Variants in GOT1L1 observed in about 807,000 individuals in gnomAD.
GOT1L1 encodes aspartate aminotransferase, cytoplasmic 2.
GOT1L1 carries 38 observed loss-of-function variants against 43.6 expected under a neutral mutation model. The ratio of observed to expected loss-of-function variants is 0.87; its 90% CI spans 0.67 to 1.14. The LOEUF (loss-of-function observed/expected upper bound fraction) is 1.14. GOT1L1 is among the 50% of genes most tolerant of loss of function. GOT1L1 has a pLI of 0.00. For missense variants in GOT1L1, 482 were observed against 504.0 expected, an observed-to-expected ratio of 0.96 and a Z score of 0.42; for synonymous variants, 183 against 187.2, an observed-to-expected ratio of 0.98 and a Z score of 0.18.
chr8:37,937,988 C>T (rs957086836), intron 2 of GOT1L1, among the ~76,000 whole-genome samples: 12 of 152,264 alleles, frequency 7.9e-5, no homozygotes, highest in African/African-American at 2.2e-4. Context: ...TTGCAGTGAG[C>T]GGAGATCAGG....
chr8:37,937,077 C>T lies in GOT1L1; in HGVS notation c.520-20G>A. 3 of 1,608,938 alleles carry T rather than the reference C, an allele frequency of 1.9e-6. No individual in the cohort carries two copies. Among genetic ancestry groups the T allele is most frequent in the Non-Finnish European group, 2.6e-6 (3 of 1,176,114 alleles). ...GATCTGCTGCAGGTACAGACGGTCT[C>T]ATCAGGCTTCACCCCCACCCAGGAG... On this transcript the variant is annotated intron_variant, in intron 4 of 8. Coordinates refer to ENST00000307599, the MANE Select transcript of GOT1L1 (RefSeq NM_152413.3).
In GOT1L1 at chr8:37,935,629, G is replaced by A. The variant is rs529019849; in HGVS notation, c.929+75C>T. The A allele has an allele frequency of 1.0e-4, 141 of 1,357,660 alleles. No individual in the cohort carries two copies. In the Middle Eastern group the frequency reaches 4.9e-3, roughly 47 times the overall value. The allele number at this position is 1,357,660 out of a possible 1,614,324, so 84.1% of individuals were successfully genotyped here. A position where few individuals can be genotyped will look rare whatever the true frequency, so the allele number is the denominator to read the frequency against. On this transcript the variant is annotated intron_variant, in intron 7 of 8. Transcript: ENST00000307599. The stretch of plus-strand genomic sequence containing the variant: ...ATGGGCAGGAGAGAAGCACCCTGCC[G>A]AATCCTGCAGATCAGCAGGTCTGCA...
At chr8:37,935,534 A>C (rs1000745021) in intron 7 of GOT1L1, among the ~76,000 whole-genome samples, 170 bp downstream of exon 7, 14 of 152,210 alleles carry the variant, frequency 9.2e-5, no homozygotes, top group Admixed American at 1.3e-4. Context: ...AACCCTTGGC[A>C]TAGCCACCGC....
Position 37,935,134 on chromosome 8 carries a change from G to A in GOT1L1, c.1011C>T (p.Thr337=). The change falls in exon 8 of 9, where the codon ACC becomes ACT. Residue 337 remains threonine (T), a synonymous_variant. Transcript: ENST00000307599. ...CGGTGATGTGACCCCAGGACCCAGG[G>A]GTTCCCAGGAGCTGGAGTTTCTCCT... ...KVKEKLQLLG[T]PGSWGHITEQ... 6.2e-7 allele frequency: 1 copy of A among 1,613,560 alleles called. No homozygotes were observed. Among genetic ancestry groups the A allele is most frequent in the Non-Finnish European group, 8.5e-7 (1 of 1,179,740 alleles).
At chr8:37,938,658 T>G (rs1385889800) in intron 2 of GOT1L1, 42 bp downstream of exon 2, 1 of 1,513,502 alleles carries the variant, frequency 6.6e-7, no homozygotes, top group East Asian at 2.4e-5. Flanking sequence ...AGATCGCCAC[T>G]CTCTGTGTCT....
Position 37,938,792 on chromosome 8 carries a change from C to T in GOT1L1, c.205G>A (p.Glu69Lys). 6.2e-7 allele frequency: 1 copy of T among 1,613,500 alleles called. No individual in the cohort carries two copies. The highest frequency in any genetic ancestry group is 8.5e-7 in the Non-Finnish European group (1 of 1,179,688). Reference protein sequence around the residue: ...QISQDPSLNYEYLPTMGLKSF... With the variant: ...QISQDPSLNYKYLPTMGLKSF... ...TTCAGGCCCATGGTGGGCAAGTACT[C>T]ATAATTCAGGGAGGGATCCTGTGAA... Residue 69 changes from glutamate (E) to lysine (K), a missense_variant, in exon 2 of 9, where the codon GAG becomes AAG. Physicochemically the swap from Glu to Lys is moderately conservative, Grantham distance 56. Transcript: ENST00000307599.
rs144803768 is a variant in GOT1L1 at position 37,934,596 on chromosome 8, G to T, written c.1073-110C>A. 3.5e-6 allele frequency: 3 copies of T among 849,848 alleles called. No individual in the cohort carries two copies. The East Asian group carries it at 7.4e-5, about 21-fold the overall frequency. 52.6% of individuals were successfully genotyped at this position (849,848 alleles called of 1,614,324 possible). A position where few individuals can be genotyped will look rare whatever the true frequency, so the allele number is the denominator to read the frequency against. ...TTATTGATTGATTGATTGAGATGGA[G>T]TTTTGCTCTTGTTGCCCAGGCTGGA... On this transcript the variant is annotated intron_variant, in intron 8 of 8. Transcript: ENST00000307599.
intron 1 of GOT1L1, among the ~76,000 whole-genome samples, chr8:37,939,416 G>GAAAAAAAAA (rs4058283): frequency 1.4e-4 from 3 of 21,414 alleles, no homozygotes; most frequent in African/African-American, 4.0e-4. Flanking sequence ...CCTGTCTCAA[G>GAAAAAAAAA]AAAAAAAAAA....
chr8:37,938,753 C>T lies in GOT1L1; in HGVS notation c.244G>A (p.Ala82Thr), dbSNP rs1033697539. ...PTMGLKSFIQ[A>T]SLALLFGKHS... is the part of the protein sequence containing the mutation. ...TTTCCAAAGAGGAGTGCTAGAGAGG[C>T]CTGGATGAATGATTTCAGGCCCATG... The change falls in exon 2 of 9, where the codon GCC becomes ACC. Residue 82 changes from alanine (A) to threonine (T), a missense_variant. Physicochemically the swap from Ala to Thr is moderately conservative, Grantham distance 58. Transcript: ENST00000307599. The T allele has an allele frequency of 5.6e-6, 9 of 1,607,388 alleles. No individual in the cohort carries two copies. In the African/African-American group the frequency reaches 6.7e-5, roughly 12 times the overall value.
chr8:37,935,939 A>G, intron 6 of GOT1L1, 70 bp from the exon 7 acceptor site: 2 of 1,493,562 alleles, frequency 1.3e-6, no homozygotes, highest in Non-Finnish European at 1.8e-6. Context: ...CCTAGATCTC[A>G]ACCCCCAACC....
chr8:37,937,835 A>T, intron 2 of GOT1L1, 86 bp from the exon 3 acceptor site: 1 of 855,704 alleles, frequency 1.2e-6, no homozygotes. Flanking sequence ...GGGTGGGTGG[A>T]TCACTCGAGG....
chr8:37,934,843 T>G, intron 8 of GOT1L1: 1 of 587,646 alleles, frequency 1.7e-6, no homozygotes, highest in Non-Finnish European at 3.0e-6. Flanking sequence ...CTCAAAGTGT[T>G]GGGATTACAG....
At chr8:37,934,522 G>C (rs754918327) in intron 8 of GOT1L1, 36 bp from the exon 9 acceptor site, 17 of 1,467,328 alleles carry the variant, frequency 1.2e-5, no homozygotes, top group African/African-American at 2.8e-5. Context: ...CTCGAGACTG[G>C]CCATCTCGAA....
Position 37,938,855 on chromosome 8 carries a change from A to T in GOT1L1, c.142T>A (p.Trp48Arg). 1 of 1,613,814 alleles carries T rather than the reference A, an allele frequency of 6.2e-7. No individual in the cohort carries two copies. Among genetic ancestry groups the T allele is most frequent in the Non-Finnish European group, 8.5e-7 (1 of 1,179,740 alleles). ...RVCMTNEGHPWVSLVVQKTRL... is the reference protein window; with the variant it reads ...RVCMTNEGHPRVSLVVQKTRL... ...GTCTTCTGCACCACGAGAGAAACCC[A>T]GGGATGGCCTTCATTTGTCATGCAG... Residue 48 changes from tryptophan (W) to arginine (R), a missense_variant, in exon 2 of 9, where the codon TGG becomes AGG. Transcript: ENST00000307599.
chr8:37,936,187 C>T (rs1208821493), intron 6 of GOT1L1, among the ~76,000 whole-genome samples: 1 of 151,988 alleles, frequency 6.6e-6, no homozygotes. Flanking sequence ...CTCTCTGTTG[C>T]CCAGGCTAGA....
chr8:37,938,926 C>A (rs777747378), intron 1 of GOT1L1, 45 bp from the exon 2 acceptor site: 1 of 1,585,318 alleles, frequency 6.3e-7, no homozygotes. Flanking sequence ...CTGGTTTGGG[C>A]CCCCAGGGCT....
At chr8:37,937,422 G>T in intron 3 of GOT1L1, 36 bp from the exon 4 acceptor site, 1 of 1,395,274 alleles carries the variant, frequency 7.2e-7, no homozygotes, top group East Asian at 2.3e-5. Context: ...CTGGTACATG[G>T]GAAACAGAGA....
intron 7 of GOT1L1, 142 bp from the exon 8 acceptor site, chr8:37,935,357 G>T (rs1191838918): frequency 2.2e-6 from 2 of 906,098 alleles, no homozygotes; most frequent in East Asian, 5.4e-5. Context: ...GTGGGAGGGA[G>T]GTTTGATCTC....
At chr8:37,934,791 G>T (rs1294951845) in intron 8 of GOT1L1, among the ~76,000 whole-genome samples, 1 of 151,994 alleles carries the variant, frequency 6.6e-6, no homozygotes, top group African/African-American at 2.4e-5. Flanking sequence ...GGCCAGGCTG[G>T]TCTCGAACTC....
Sources: gnomAD v4.1 joint callset for allele counts (sites outside exome capture counted in the v4.1 genomes callset) on GRCh38, gnomAD v4.1.1 for gene constraint, MANE v1.5 for transcripts, NCBI Gene and HGNC (gene_info 2026-07-23, HGNC 2026-07-21) for gene names.